Variants in WASL observed in about 807,000 individuals in gnomAD.
The protein encoded by WASL is actin nucleation-promoting factor WASL.
WASL carries 20 observed loss-of-function variants against 55.5 expected under a neutral mutation model. The ratio of observed to expected loss-of-function variants is 0.36; its 90% confidence interval spans 0.25 to 0.52. The LOEUF (loss-of-function observed/expected upper bound fraction) is 0.52, where lower values mean the gene tolerates loss of function less well. WASL is among the 20% of genes least tolerant of loss of function. WASL has a pLI of 0.92. For missense variants in WASL, 504 were observed against 622.5 expected (o/e 0.81, Z 2.03); for synonymous variants, 249 against 217.6 (o/e 1.14, Z -1.27).
chr7:123,699,790 T>G (rs577442195), intron 5 of WASL, among the ~76,000 whole-genome samples: 1 of 152,202 alleles, frequency 6.6e-6, no homozygotes, highest in South Asian at 2.1e-4. Context: ...GTTTCCCCTC[T>G]TTCTCTACCC....
intron 1 of WASL, among the ~76,000 whole-genome samples, chr7:123,736,506 G>A (rs9649465): frequency 0.43 from 65,713 of 151,908 alleles, 14,761 homozygotes; most frequent in South Asian, 0.66. Context: ...TAAAATACAT[G>A]GCAACAATAC....
intron 1 of WASL, among the ~76,000 whole-genome samples, chr7:123,735,523 T>G (rs1365089901): frequency 3.3e-5 from 5 of 152,052 alleles, no homozygotes; most frequent in Non-Finnish European, 7.4e-5. Context: ...GACAGGACAT[T>G]AGAACAATTG....
intron 1 of WASL, 91 bp from the exon 2 acceptor site, chr7:123,709,314 T>G: frequency 9.4e-7 from 1 of 1,067,852 alleles, no homozygotes; most frequent in Non-Finnish European, 1.3e-6. Context: ...ACCACCCAGC[T>G]AAGCTGCTCC....
At chr7:123,715,131 C>T (rs534791076) in intron 1 of WASL, among the ~76,000 whole-genome samples, 72 of 152,160 alleles carry the variant, frequency 4.7e-4, no homozygotes, top group Non-Finnish European at 8.4e-4. Context: ...TACAGTAGCA[C>T]ATCATTCCTG....
chr7:123,695,000 C>G, intron 7 of WASL, 132 bp from the exon 8 acceptor site: 1 of 853,734 alleles, frequency 1.2e-6, no homozygotes, highest in South Asian at 2.0e-5. Context: ...TATGTGCTAA[C>G]TAAAATATTT....
chr7:123,713,346 TCTAA>T (rs1235670577), intron 1 of WASL, among the ~76,000 whole-genome samples: 3 of 152,136 alleles, frequency 2.0e-5, no homozygotes, highest in East Asian at 3.9e-4. Context: ...AGAGATGCAG[TCTAA>T]CTATGTTACG....
intron 1 of WASL, among the ~76,000 whole-genome samples, chr7:123,720,034 C>T (rs1409062046): frequency 6.6e-6 from 1 of 152,126 alleles, no homozygotes; most frequent in Non-Finnish European, 1.5e-5. Flanking sequence ...GAAGATAGGG[C>T]CCTGTCTTAT....
rs961494265 is a variant in WASL, at chr7:123,697,724, C to A, written c.461-977G>T. Among the ~76,000 whole-genome samples the A allele has an allele frequency of 5.3e-5, 8 of 152,176 alleles. No individual in the cohort carries two copies. The East Asian group carries it at 1.5e-3, about 29-fold the overall frequency. On this transcript the variant is annotated intron_variant, in intron 5 of 10. Transcript: ENST00000223023. ...TTAGACTGCTCTTCTTAGAAAGGAC[C>A]ACTTGCAAGGTTGGCCCTCAGTTGA...
chr7:123,690,749 A>C (rs1584855467), intron 9 of WASL, among the ~76,000 whole-genome samples: 1 of 152,242 alleles, frequency 6.6e-6, no homozygotes, highest in East Asian at 1.9e-4. Context: ...AAATCACCTT[A>C]TTATAGCTAA....
chr7:123,695,734 A>T (rs1307838987), intron 7 of WASL, 89 bp downstream of exon 7: 1 of 1,354,676 alleles, frequency 7.4e-7, no homozygotes, highest in Non-Finnish European at 1.0e-6. Flanking sequence ...AGATACTAGA[A>T]ACCACAAAAA....
chr7:123,705,859 CTT>C (rs1387759691), intron 4 of WASL, among the ~76,000 whole-genome samples: 2 of 151,984 alleles, frequency 1.3e-5, no homozygotes, highest in Non-Finnish European at 2.9e-5. Flanking sequence ...TACCTAAAGT[CTT>C]TGTTTACAAA....
Position 123,694,869 on chromosome 7 carries a change from C to G in WASL, c.673-1G>C. ...TCAATTCTGGATCCAAATTATTCAG[C>G]TACAAAAGAAAGTAACTGCTAACTA... On this transcript the variant is annotated splice_acceptor_variant, in intron 7 of 10. Transcript: ENST00000223023. LOFTEE classifies it high-confidence loss of function. The G allele has an allele frequency of 6.3e-7, 1 of 1,599,460 alleles. No homozygotes were observed. The highest frequency in any genetic ancestry group is 8.5e-7 in the Non-Finnish European group (1 of 1,176,016).
At chr7:123,711,128 TCA>T (rs879502408) in intron 1 of WASL, among the ~76,000 whole-genome samples, 9 of 151,760 alleles carry the variant, frequency 5.9e-5, no homozygotes, top group Non-Finnish European at 1.3e-4. Context: ...AAGTAACAGC[TCA>T]CACACACACA....
intron 5 of WASL, among the ~76,000 whole-genome samples, chr7:123,698,235 T>C (rs1367989464): frequency 6.6e-6 from 1 of 152,100 alleles, no homozygotes; most frequent in African/African-American, 2.4e-5. Context: ...AATCAATAAA[T>C]GGCAAATAGA....
At chr7:123,734,070 G>A (rs73718470) in intron 1 of WASL, among the ~76,000 whole-genome samples, 2,007 of 152,210 alleles carry the variant, frequency 0.013, 49 homozygotes, top group African/African-American at 0.046. Flanking sequence ...GGGGGTCGGT[G>A]ATGACTTTTT....
intron 1 of WASL, among the ~76,000 whole-genome samples, chr7:123,714,812 A>G (rs762285675): frequency 1.3e-5 from 2 of 152,196 alleles, no homozygotes; most frequent in Non-Finnish European, 2.9e-5. Flanking sequence ...AAAAATGTAA[A>G]ACCTAACTAG....
intron 8 of WASL, among the ~76,000 whole-genome samples, chr7:123,693,111 TA>T (rs1803440232): frequency 6.6e-6 from 1 of 152,176 alleles, no homozygotes; most frequent in Non-Finnish European, 1.5e-5. Flanking sequence ...CAGAATAGTT[TA>T]TTTTTTTGGA....
chr7:123,746,328 C>T, intron 1 of WASL, among the ~76,000 whole-genome samples: 1 of 152,306 alleles, frequency 6.6e-6, no homozygotes, highest in African/African-American at 2.4e-5. Flanking sequence ...TCGACTATAA[C>T]TGCTTCTGTT....
chr7:123,720,427 A>C lies in WASL; in HGVS notation c.118-11204T>G, dbSNP rs1803924975. 3 of 428,336 alleles carry C rather than the reference A, an allele frequency of 7.0e-6. No homozygotes were observed. In the Admixed American group the frequency reaches 9.0e-5, roughly 13 times the overall value. 26.5% of individuals were successfully genotyped at this position (428,336 alleles called of 1,614,324 possible). ...TTATCTGAATAAAAGGCAAGATGTA[A>C]AAGTAAGGGTAGCATATACTAACGT... On this transcript the variant is annotated intron_variant, in intron 1 of 10. Coordinates refer to ENST00000223023, the MANE Select transcript of WASL (RefSeq NM_003941.4).
Sources: allele counts gnomAD v4.1 joint callset (sites outside exome capture counted in the v4.1 genomes callset), GRCh38; gene constraint gnomAD v4.1.1; transcripts MANE v1.5; gene names NCBI Gene and HGNC (gene_info 2026-07-23, HGNC 2026-07-21).